CLN8: variants seen among roughly 807,000 people sequenced by gnomAD.
CLN8 encodes CLN8 transmembrane ER and ERGIC protein.
Under a neutral mutation model 15.7 loss-of-function variants are expected in CLN8, and 14 were observed. That is an observed-to-expected ratio of 0.89 (90% confidence interval 0.59 to 1.39). CLN8 has a LOEUF of 1.39. Ranked by LOEUF, CLN8 falls within the 40% of genes most tolerant of loss-of-function variation. The probability of loss-of-function intolerance (pLI) is 0.00; values close to 1 mark genes in which losing one functional copy is unlikely to be tolerated. For missense variants in CLN8, 415 were observed against 364.0 expected (o/e 1.14, Z -1.14); for synonymous variants, 188 against 151.0 (o/e 1.25, Z -1.80).
At chr8:1,760,559 C>G (rs1168762683), upstream of CLN8, 2 of 152,164 alleles carry the variant, frequency 1.3e-5, no homozygotes, top group Non-Finnish European at 2.9e-5. Context: ...TGGAAAGACA[C>G]AGTCCTGGAA....
chr8:1,764,542 C>G (rs1324132819), intron 1 of CLN8: 7 of 152,550 alleles, frequency 4.6e-5, no homozygotes, highest in Admixed American at 2.0e-4. Flanking sequence ...CACTGGTCAC[C>G]GAGTTAGCTG....
At chr8:1,763,988 G>C (rs1800930631) in intron 1 of CLN8, 103 bp downstream of exon 1, 1 of 79,938 alleles carries the variant, frequency 1.3e-5, no homozygotes, top group South Asian at 5.3e-4. Context: ...CCCAGGTGAG[G>C]GGCAGCCCAG....
At chr8:1,773,720 G>A (rs1270696941) in intron 2 of CLN8, 1 of 152,372 alleles carries the variant, frequency 6.6e-6, no homozygotes, top group Non-Finnish European at 1.5e-5. Flanking sequence ...GTGGAGTGGA[G>A]AGGTGTGTGC....
At chr8:1,764,940 T>C (rs1305207968) in intron 1 of CLN8, 1 of 152,242 alleles carries the variant, frequency 6.6e-6, no homozygotes, top group East Asian at 1.9e-4. Flanking sequence ...TGATTTTTAT[T>C]TACATACAAC....
At chr8:1,757,884 GT>G (rs1387055197) in intron 1 of CLN8, among the ~76,000 whole-genome samples, 1 of 152,166 alleles carries the variant, frequency 6.6e-6, no homozygotes, top group Non-Finnish European at 1.5e-5. Context: ...CCTGCCAAAT[GT>G]TGTTTGTCTG....
intron 1 of CLN8, among the ~76,000 whole-genome samples, chr8:1,765,799 A>G (rs1014398621): frequency 6.6e-6 from 1 of 152,210 alleles, no homozygotes; most frequent in Admixed American, 6.5e-5. Context: ...AGCTTTGCAG[A>G]TTGTAAAATG....
intron 1 of CLN8, chr8:1,758,339 T>C (rs1800719460): frequency 6.6e-6 from 1 of 151,860 alleles, no homozygotes; most frequent in South Asian, 2.1e-4. Flanking sequence ...AAGAGTCAAA[T>C]TTGTAAATTA....
chr8:1,780,720 T>C lies in CLN8; in HGVS notation c.*153T>C. On this transcript the variant is annotated 3_prime_UTR_variant, in exon 3 of 3. Coordinates refer to ENST00000331222, the MANE Select transcript of CLN8 (RefSeq NM_018941.4). ...CTTTCTTTCGCATTAGTATTAATTT[T>C]GAAGTAGCTACAAAGTATTTTTAAG... is the stretch of plus-strand genomic sequence containing the variant. 1.4e-6 allele frequency: 1 copy of C among 698,786 alleles called. No individual in the cohort carries two copies. 43.3% of individuals were successfully genotyped at this position (698,786 alleles called of 1,614,324 possible). A position where few individuals can be genotyped will look rare whatever the true frequency, so the allele number is the denominator to read the frequency against.
chr8:1,754,031 C>G (rs949723793), upstream of CLN8, among the ~76,000 whole-genome samples: 41 of 152,294 alleles, frequency 2.7e-4, no homozygotes, highest in African/African-American at 9.6e-4. Flanking sequence ...TTGTCCAAGA[C>G]ACACAGGCCC....
intron 1 of CLN8, among the ~76,000 whole-genome samples, chr8:1,768,445 C>T (rs373238400): frequency 6.6e-6 from 1 of 152,094 alleles, no homozygotes; most frequent in African/African-American, 2.4e-5. Context: ...CTTCTGGAGT[C>T]GGGGTTTCTC....
intron 1 of CLN8, chr8:1,765,004 T>A (rs569908493): frequency 6.6e-6 from 1 of 152,270 alleles, no homozygotes; most frequent in Non-Finnish European, 1.5e-5. Flanking sequence ...TGTGAGTGAT[T>A]GAGGGAATAT....
chr8:1,759,787 G>A (rs910143156), upstream of CLN8: 1 of 152,104 alleles, frequency 6.6e-6, no homozygotes, highest in Non-Finnish European at 1.5e-5. Flanking sequence ...CAAGCACCGC[G>A]GTCCTGCTCT....
At chr8:1,778,089 A>G (rs1801584993) in intron 2 of CLN8, among the ~76,000 whole-genome samples, 1 of 152,052 alleles carries the variant, frequency 6.6e-6, no homozygotes, top group South Asian at 2.1e-4. Flanking sequence ...GAGATCGAAA[A>G]CTTGCCTGTG....
upstream of CLN8, among the ~76,000 whole-genome samples, chr8:1,761,282 T>C (rs1800790245): frequency 6.6e-6 from 1 of 151,812 alleles, no homozygotes; most frequent in South Asian, 2.1e-4. Flanking sequence ...ACCAGAGTTT[T>C]ATTATTACTC....
chr8:1,780,186 T>C (rs1365171318), intron 2 of CLN8, 64 bp from the exon 3 acceptor site: 1 of 1,613,706 alleles, frequency 6.2e-7, no homozygotes, highest in Non-Finnish European at 8.5e-7. Flanking sequence ...TACCTTTTTG[T>C]GATGTGAAGA....
rs377570844 is a variant in CLN8, at chr8:1,780,215, G to T, written c.544-35G>T. The T allele has an allele frequency of 6.6e-5, 106 of 1,614,016 alleles. 1 individual carries two copies. In the African/African-American group the frequency reaches 1.0e-3, roughly 16 times the overall value. The stretch of plus-strand genomic sequence containing the variant: ...GTGAAGAATGAATTTTGGCAGTTTC[G>T]CATTGACTTGTGCATTTGTCTTCTC... On this transcript the variant is annotated intron_variant, in intron 2 of 2. Transcript: ENST00000331222.
upstream of CLN8, among the ~76,000 whole-genome samples, chr8:1,754,996 T>A (rs1477268863): frequency 6.6e-6 from 1 of 152,196 alleles, no homozygotes; most frequent in African/African-American, 2.4e-5. Context: ...GGTCTTGTGA[T>A]ATCCTCTTCC....
intron 2 of CLN8, among the ~76,000 whole-genome samples, chr8:1,777,078 A>C (rs192373162): frequency 1.4e-4 from 21 of 152,130 alleles, no homozygotes; most frequent in African/African-American, 5.1e-4. Context: ...GTCATAGAGT[A>C]CCTTTCTACA....
At chr8:1,771,947 A>ATTTTTTTT (rs1554449435) in intron 2 of CLN8, among the ~76,000 whole-genome samples, 8 of 150,958 alleles carry the variant, frequency 5.3e-5, no homozygotes, top group Non-Finnish European at 8.9e-5. Flanking sequence ...TTATTTATTT[A>ATTTTTTTT]TTTTTTGAGA....
Sources: gnomAD v4.1 joint callset for allele counts (sites outside exome capture counted in the v4.1 genomes callset) on GRCh38, gnomAD v4.1.1 for gene constraint, MANE v1.5 for transcripts, NCBI Gene and HGNC (gene_info 2026-07-23, HGNC 2026-07-21) for gene names.